UBE2K: variants seen among roughly 807,000 people sequenced by gnomAD.
UBE2K encodes ubiquitin-conjugating enzyme E2 K.
In UBE2K, 6 loss-of-function variants were observed where a neutral mutation model predicts 30.0. The ratio of observed to expected loss-of-function variants is 0.20; its 90% CI spans 0.11 to 0.39. UBE2K has a LOEUF of 0.39. UBE2K is among the 10% of genes least tolerant of loss of function. The pLI is 1.00. For synonymous variants in UBE2K, 86 were observed against 83.7 expected, an observed-to-expected ratio of 1.03 and a Z score of -0.15; for missense variants, 61 against 241.6, an observed-to-expected ratio of 0.25 and a Z score of 4.96.
At chr4:39,702,166 C>T (rs941372004) in intron 1 of UBE2K, among the ~76,000 whole-genome samples, 1 of 150,908 alleles carries the variant, frequency 6.6e-6, no homozygotes, top group Non-Finnish European at 1.5e-5. Context: ...TGCTATATGG[C>T]ACCTGTTGGT....
chr4:39,768,469 A>T (rs1712502146), intron 4 of UBE2K, among the ~76,000 whole-genome samples: 1 of 149,616 alleles, frequency 6.7e-6, no homozygotes, highest in Non-Finnish European at 1.5e-5. Context: ...AAAAAAATGT[A>T]AAAAATGGTG....
intron 1 of UBE2K, among the ~76,000 whole-genome samples, chr4:39,715,416 C>T (rs1407845905): frequency 6.6e-6 from 1 of 152,052 alleles, no homozygotes; most frequent in Non-Finnish European, 1.5e-5. Context: ...AAGGGATCCT[C>T]CCAACTCAGC....
chr4:39,779,849 A>G lies in UBE2K; in HGVS notation c.*1415A>G, dbSNP rs1713507548. 2 of 152,266 alleles carry G rather than the reference A, an allele frequency of 1.3e-5. No individual in the cohort carries two copies. Among genetic ancestry groups the G allele is most frequent in the South Asian group, 4.1e-4 (2 of 4,824 alleles). The allele number at this position is 152,266 out of a possible 1,614,324, so 9.4% of individuals were successfully genotyped here. On this transcript the variant is annotated 3_prime_UTR_variant, in exon 7 of 7. Coordinates refer to ENST00000261427, the MANE Select transcript of UBE2K (RefSeq NM_005339.5). ...CTGTATATTGAAAGTCATATTATAA[A>G]AGGTTTGCTTTCTTTAAGTGTTATT...
chr4:39,728,942 C>T (rs1719920292), intron 1 of UBE2K, among the ~76,000 whole-genome samples: 1 of 150,348 alleles, frequency 6.7e-6, no homozygotes, highest in Non-Finnish European at 1.5e-5. Context: ...GCTGGGATTA[C>T]AGGCGTGAGC....
intron 1 of UBE2K, among the ~76,000 whole-genome samples, chr4:39,734,325 T>G (rs1720237392): frequency 6.6e-6 from 1 of 152,150 alleles, no homozygotes; most frequent in Non-Finnish European, 1.5e-5. Context: ...GTGATCTGCC[T>G]TGGCCTCCCA....
At chr4:39,721,596 A>G (rs1419180649) in intron 1 of UBE2K, among the ~76,000 whole-genome samples, 6 of 152,026 alleles carry the variant, frequency 3.9e-5, no homozygotes, top group South Asian at 2.1e-4. Flanking sequence ...GGCTCAAGCA[A>G]TCTACCTGCC....
rs540916845 is a variant in UBE2K at position 39,716,064 on chromosome 4, T to G, written c.63+17674T>G. 3.9e-5 allele frequency among the ~76,000 whole-genome samples: 6 copies of G among 152,328 alleles called. No homozygotes were observed. The East Asian group carries it at 1.2e-3, about 29-fold the overall frequency. ...TTCCATTTCCATCTTAGAACTCTCC[T>G]CCTTTGGTTGCTCTGATACTGCTCT... On this transcript the variant is annotated intron_variant, in intron 1 of 6. Coordinates refer to ENST00000261427, the MANE Select transcript of UBE2K (RefSeq NM_005339.5).
intron 1 of UBE2K, among the ~76,000 whole-genome samples, 174 bp downstream of exon 1, chr4:39,698,564 C>T (rs553505561): frequency 1.3e-5 from 2 of 152,192 alleles, no homozygotes; most frequent in Non-Finnish European, 2.9e-5. Flanking sequence ...CCTCCCCTCC[C>T]AGAGCGCTAG....
chr4:39,742,319 C>T (rs917830031), intron 2 of UBE2K, among the ~76,000 whole-genome samples: 2 of 151,662 alleles, frequency 1.3e-5, no homozygotes, highest in African/African-American at 4.8e-5. Flanking sequence ...TTCAGGTACC[C>T]TTCTCTTACC....
chr4:39,747,048 A>G (rs1721020550), intron 3 of UBE2K, among the ~76,000 whole-genome samples: 1 of 152,164 alleles, frequency 6.6e-6, no homozygotes, highest in South Asian at 2.1e-4. Flanking sequence ...TGTTCATTCA[A>G]CCTATTGGTT....
In UBE2K at chr4:39,778,540, C is replaced by G. The variant is rs768970637; in HGVS notation, c.*106C>G. 26 of 679,630 alleles carry G rather than the reference C, an allele frequency of 3.8e-5. No homozygotes were observed. Among genetic ancestry groups the G allele is most frequent in the Non-Finnish European group, 5.6e-5 (23 of 408,938 alleles). 42.1% of individuals were successfully genotyped at this position (679,630 alleles called of 1,614,324 possible). A position where few individuals can be genotyped will look rare whatever the true frequency, so the allele number is the denominator to read the frequency against. ...GATTTCTTTTAAACTGGCATTCTTG[C>G]CTAATGATGTTATCTAGGCACCATT... On this transcript the variant is annotated 3_prime_UTR_variant, in exon 7 of 7. Coordinates refer to ENST00000261427, the MANE Select transcript of UBE2K (RefSeq NM_005339.5).
intron 1 of UBE2K, among the ~76,000 whole-genome samples, chr4:39,719,280 C>T (rs1419329235): frequency 1.3e-5 from 2 of 152,194 alleles, no homozygotes; most frequent in Admixed American, 6.5e-5. Context: ...GTAAGCCTTT[C>T]TTGAAGCCAA....
At chr4:39,701,274 A>T (rs918729293) in intron 1 of UBE2K, among the ~76,000 whole-genome samples, 1 of 152,218 alleles carries the variant, frequency 6.6e-6, no homozygotes, top group African/African-American at 2.4e-5. Context: ...TTTTATAATT[A>T]GTTATTTTAT....
At chr4:39,721,173 C>G (rs1323124760) in intron 1 of UBE2K, among the ~76,000 whole-genome samples, 1 of 152,054 alleles carries the variant, frequency 6.6e-6, no homozygotes, top group East Asian at 1.9e-4. Flanking sequence ...TAGTTGAGCA[C>G]AGTACTCCTC....
intron 1 of UBE2K, among the ~76,000 whole-genome samples, chr4:39,699,970 A>T (rs1282800124): frequency 1.3e-5 from 2 of 152,198 alleles, no homozygotes; most frequent in Non-Finnish European, 2.9e-5. Flanking sequence ...TAACTTATTT[A>T]ATATGAAAAT....
chr4:39,717,234 CTTTCT>C (rs1312765120), intron 1 of UBE2K, among the ~76,000 whole-genome samples: 1 of 151,332 alleles, frequency 6.6e-6, no homozygotes, highest in Non-Finnish European at 1.5e-5. Flanking sequence ...CTTTTCTTTT[CTTTCT>C]TTTTTTTTTT....
intron 6 of UBE2K, 123 bp downstream of exon 6, chr4:39,777,933 CCCATCTCTACA>C (rs1713370601): frequency 3.4e-6 from 3 of 889,628 alleles, no homozygotes; most frequent in Non-Finnish European, 4.7e-6. Flanking sequence ...CATGGCGAAA[CCCATCTCTACA>C]AAAATTAGCT....
chr4:39,731,139 T>C (rs2109341003), intron 1 of UBE2K, among the ~76,000 whole-genome samples: 1 of 152,196 alleles, frequency 6.6e-6, no homozygotes, highest in East Asian at 1.9e-4. Flanking sequence ...GTGATCCGCC[T>C]GCCTCAGCCT....
intron 1 of UBE2K, among the ~76,000 whole-genome samples, chr4:39,718,480 T>G (rs1487473056): frequency 6.6e-6 from 1 of 152,196 alleles, no homozygotes; most frequent in Non-Finnish European, 1.5e-5. Context: ...GGGCCACAGG[T>G]GGAGCTGCCC....
Sources: gnomAD v4.1 joint callset for allele counts (sites outside exome capture counted in the v4.1 genomes callset) on GRCh38, gnomAD v4.1.1 for gene constraint, MANE v1.5 for transcripts, NCBI Gene and HGNC (gene_info 2026-07-23, HGNC 2026-07-21) for gene names.